PHACTR4: variants seen among roughly 807,000 people sequenced by gnomAD.
The protein encoded by PHACTR4 is phosphatase and actin regulator 4, also known as protein phosphatase 1, regulatory subunit 124.
Under a neutral mutation model 72.7 loss-of-function variants are expected in PHACTR4, and 51 were observed. The observed-to-expected ratio is 0.70, with a 90% CI of 0.56 to 0.89. PHACTR4 has a LOEUF of 0.89. PHACTR4 is among the 40% of genes least tolerant of loss of function. The probability of loss-of-function intolerance (pLI) is 0.00; values close to 1 mark genes in which losing one functional copy is unlikely to be tolerated. For synonymous variants in PHACTR4, 255 were observed against 302.5 expected (o/e 0.84, Z 1.63); for missense variants, 731 against 861.8 (o/e 0.85, Z 1.90).
In PHACTR4 at chr1:28,464,166, A is replaced by G. The variant is rs531967156; in HGVS notation, c.272-1519A>G. 8.1e-4 allele frequency among the ~76,000 whole-genome samples: 122 copies of G among 150,176 alleles called. 2 individuals carry two copies. The highest frequency in any genetic ancestry group is 3.9e-3 in the East Asian group (20 of 5,100). The stretch of plus-strand genomic sequence containing the variant: ...TTGTTAGTAAAGACGGGGTTTCACC[A>G]TGTTGGCCAGGCTGGTCTCAAACTC... On this transcript the variant is annotated intron_variant, in intron 4 of 13. Coordinates refer to ENST00000373839, the MANE Select transcript of PHACTR4 (RefSeq NM_001048183.3).
chr1:28,399,943 T>A (rs1653816707), intron 1 of PHACTR4, among the ~76,000 whole-genome samples: 1 of 151,954 alleles, frequency 6.6e-6, no homozygotes. Context: ...AACCCTAGGG[T>A]AAGAATGTGC....
rs185592027 is a variant in PHACTR4, at chr1:28,399,047, C to A, written c.-38-8363C>A. Among the ~76,000 whole-genome samples, 4 of 152,128 alleles carry A rather than the reference C, an allele frequency of 2.6e-5. No individual in the cohort carries two copies. In the East Asian group the frequency reaches 7.8e-4, roughly 29 times the overall value. ...GTAGGAAAGGCTGGGTGCGGTGGCT[C>A]ACATCTGTAATCTCTGCACTTTGGG... On this transcript the variant is annotated intron_variant, in intron 1 of 13. Coordinates refer to ENST00000373839, the MANE Select transcript of PHACTR4 (RefSeq NM_001048183.3).
intron 2 of PHACTR4, chr1:28,438,025 CTCAAAAG>C: frequency 2.1e-6 from 1 of 479,190 alleles, no homozygotes; most frequent in Non-Finnish European, 2.7e-6. Flanking sequence ...TGCAGCCAAG[CTCAAAAG>C]TCAGGAACGG....
At chr1:28,492,462 T>TA (rs1009216880) in intron 12 of PHACTR4, among the ~76,000 whole-genome samples, 184 of 142,072 alleles carry the variant, frequency 1.3e-3, no homozygotes, top group African/African-American at 2.2e-3. Flanking sequence ...AAATTAAAAT[T>TA]AAAAAAAAAA....
chr1:28,471,623 A>T (rs1479470511), intron 6 of PHACTR4, among the ~76,000 whole-genome samples: 2 of 151,560 alleles, frequency 1.3e-5, no homozygotes, highest in East Asian at 1.9e-4. Context: ...CTTACAGGTC[A>T]TCTGGAGCCC....
At chr1:28,384,887 A>G (rs931780907) in intron 1 of PHACTR4, among the ~76,000 whole-genome samples, 13 of 152,136 alleles carry the variant, frequency 8.5e-5, no homozygotes, top group Non-Finnish European at 1.3e-4. Flanking sequence ...GTGAGACTCT[A>G]TCTCAAAAAA....
intron 2 of PHACTR4, among the ~76,000 whole-genome samples, chr1:28,420,973 A>G (rs900203144): frequency 1.3e-5 from 2 of 152,170 alleles, no homozygotes; most frequent in Non-Finnish European, 2.9e-5. Flanking sequence ...CCCCTTTTTA[A>G]TGGGTTTATG....
intron 2 of PHACTR4, among the ~76,000 whole-genome samples, chr1:28,452,996 G>A (rs1302268481): frequency 6.6e-6 from 1 of 151,554 alleles, no homozygotes; most frequent in East Asian, 1.9e-4. Flanking sequence ...TTGCGTACCT[G>A]TAATCCCGGC....
At chr1:28,490,588 G>A (rs983614587) in intron 10 of PHACTR4, among the ~76,000 whole-genome samples, 5 of 151,756 alleles carry the variant, frequency 3.3e-5, no homozygotes, top group African/African-American at 1.2e-4. Flanking sequence ...GCTCACGCCT[G>A]TAATCCCAGC....
At chr1:28,418,198 G>T (rs190260847) in intron 2 of PHACTR4, among the ~76,000 whole-genome samples, 1 of 152,004 alleles carries the variant, frequency 6.6e-6, no homozygotes, top group African/African-American at 2.4e-5. Flanking sequence ...GGGTGTGGTG[G>T]CTCATGCCTA....
intron 1 of PHACTR4, among the ~76,000 whole-genome samples, chr1:28,396,884 G>A (rs1001338787): frequency 2.7e-5 from 4 of 147,712 alleles, no homozygotes; most frequent in African/African-American, 1.0e-4. Flanking sequence ...GTAGAGACGG[G>A]GTTTCACCGT....
At chr1:28,491,056 G>A in intron 11 of PHACTR4, 44 bp downstream of exon 11, 2 of 1,566,038 alleles carry the variant, frequency 1.3e-6, no homozygotes, top group Non-Finnish European at 1.8e-6. Flanking sequence ...TGTTATATTT[G>A]GATGGCCTAT....
chr1:28,467,829 A>G (rs1029426519), intron 6 of PHACTR4, among the ~76,000 whole-genome samples: 2 of 152,214 alleles, frequency 1.3e-5, no homozygotes, highest in Admixed American at 6.6e-5. Flanking sequence ...GCATTTACCC[A>G]AAGTTCTATT....
chr1:28,472,154 A>C (rs1026678785), intron 6 of PHACTR4, among the ~76,000 whole-genome samples: 2 of 151,478 alleles, frequency 1.3e-5, no homozygotes, highest in Non-Finnish European at 2.9e-5. Context: ...CAGAGCTTGC[A>C]GTGAGCCGAG....
intron 2 of PHACTR4, among the ~76,000 whole-genome samples, chr1:28,414,323 A>G (rs555500890): frequency 3.2e-4 from 48 of 150,976 alleles, no homozygotes; most frequent in Non-Finnish European, 5.5e-4. Flanking sequence ...GCCTCGGCCT[A>G]CCAAAGTGCT....
intron 1 of PHACTR4, among the ~76,000 whole-genome samples, chr1:28,380,390 C>T (rs1652071477): frequency 6.6e-6 from 1 of 152,074 alleles, no homozygotes; most frequent in Non-Finnish European, 1.5e-5. Context: ...GATATATGTG[C>T]ATGGTTTGGT....
intron 2 of PHACTR4, among the ~76,000 whole-genome samples, chr1:28,422,900 C>T (rs977208995): frequency 6.6e-6 from 1 of 152,242 alleles, no homozygotes; most frequent in African/African-American, 2.4e-5. Flanking sequence ...AATTCTCCTG[C>T]CTCAGCCTCC....
chr1:28,434,901 G>C (rs1656532241), intron 2 of PHACTR4, among the ~76,000 whole-genome samples: 1 of 152,042 alleles, frequency 6.6e-6, no homozygotes, highest in Admixed American at 6.6e-5. Flanking sequence ...GCTATACCTA[G>C]ATCCATAAAT....
intron 2 of PHACTR4, among the ~76,000 whole-genome samples, chr1:28,415,809 C>T (rs1363292683): frequency 6.6e-6 from 1 of 152,068 alleles, no homozygotes; most frequent in Non-Finnish European, 1.5e-5. Context: ...GATAATACCT[C>T]CTTTTGATTA....
Sources: gnomAD v4.1 joint callset for allele counts (sites outside exome capture counted in the v4.1 genomes callset) on GRCh38, gnomAD v4.1.1 for gene constraint, MANE v1.5 for transcripts, NCBI Gene and HGNC (gene_info 2026-07-23, HGNC 2026-07-21) for gene names.